Variants in COXFA4L3 observed in about 807,000 individuals in gnomAD.
COXFA4L3 encodes cytochrome c oxidase associated subunit FA4L3.
the COXFA4L3 span, chr15:45,431,022 A>G: frequency 2.0e-5 from 33 of 1,614,144 alleles, no homozygotes; most frequent in South Asian, 3.3e-5. Context: ...GGTGGTGTTC[A>G]TGACTGTGGC....
chr15:45,432,682 G>T, the COXFA4L3 span, among the ~76,000 whole-genome samples: 1 of 152,222 alleles, frequency 6.6e-6, no homozygotes, highest in East Asian at 1.9e-4. Context: ...TCTGGATACT[G>T]CTAAGTGAAA....
At chr15:45,431,500 A>G in the COXFA4L3 span, among the ~76,000 whole-genome samples, 1 of 152,104 alleles carries the variant, frequency 6.6e-6, no homozygotes, top group Non-Finnish European at 1.5e-5. Context: ...ATTTTAGCTT[A>G]TTAGATTTTT....
chr15:45,431,385 G>T, the COXFA4L3 span: 1 of 259,600 alleles, frequency 3.9e-6, no homozygotes, highest in Non-Finnish European at 7.1e-6. Flanking sequence ...CTCTCTGGCA[G>T]TGAAGTAAAG....
At chr15:45,432,628 G>A in the COXFA4L3 span, among the ~76,000 whole-genome samples, 1 of 152,286 alleles carries the variant, frequency 6.6e-6, no homozygotes, top group South Asian at 2.1e-4. Flanking sequence ...TTGTGCCACT[G>A]CACTCCAGCC....
chr15:45,430,732 C>T, the COXFA4L3 span: 1 of 1,523,452 alleles, frequency 6.6e-7, no homozygotes, highest in Non-Finnish European at 9.0e-7. Flanking sequence ...GGTTTGGCGC[C>T]CACCAGGCGA....
the COXFA4L3 span, chr15:45,433,140 A>AT: frequency 9.8e-7 from 1 of 1,018,914 alleles, no homozygotes; most frequent in Non-Finnish European, 1.6e-6. Context: ...GTTTGTCTAC[A>AT]TTTTTTGGGC....
At chr15:45,433,119 A>G in the COXFA4L3 span, 2 of 1,207,968 alleles carry the variant, frequency 1.7e-6, no homozygotes, top group Admixed American at 3.4e-5. Flanking sequence ...TGCTTCTGCT[A>G]CATTTTTAGG....
chr15:45,432,977 C>G, the COXFA4L3 span: 12,260 of 1,613,808 alleles, frequency 7.6e-3, 59 homozygotes, highest in Non-Finnish European at 8.9e-3. Context: ...AATGGAAACC[C>G]ATTGAAGAGT....
the COXFA4L3 span, chr15:45,432,814 T>C: frequency 1.5e-6 from 1 of 671,996 alleles, no homozygotes; most frequent in Non-Finnish European, 2.5e-6. Context: ...GTTTTAGATA[T>C]GGAAAGAGGT....
the COXFA4L3 span, chr15:45,432,014 A>T: frequency 7.0e-7 from 1 of 1,432,548 alleles, no homozygotes; most frequent in Non-Finnish European, 9.8e-7. Context: ...TAAACCCAGT[A>T]TCAGTGTTGG....
the COXFA4L3 span, chr15:45,432,123 A>T: frequency 6.2e-7 from 1 of 1,612,978 alleles, no homozygotes. Flanking sequence ...ACCCTACTGT[A>T]CCTCAAAAGG....
At chr15:45,431,591 A>C in the COXFA4L3 span, among the ~76,000 whole-genome samples, 1 of 152,208 alleles carries the variant, frequency 6.6e-6, no homozygotes, top group Non-Finnish European at 1.5e-5. Flanking sequence ...TAAAAAACAA[A>C]AACATGTATC....
At chr15:45,431,310 C>A in the COXFA4L3 span, 15 of 434,920 alleles carry the variant, frequency 3.4e-5, no homozygotes, top group African/African-American at 1.7e-4. Context: ...TTTAAAAAAA[C>A]CCATGATATT....
chr15:45,433,051 A>G, the COXFA4L3 span: 1 of 1,576,230 alleles, frequency 6.3e-7, no homozygotes, highest in Middle Eastern at 1.7e-4. Flanking sequence ...AGAGTACTCT[A>G]TAAATCTAGT....
the COXFA4L3 span, chr15:45,432,919 G>GTT: frequency 6.1e-4 from 738 of 1,203,240 alleles, no homozygotes; most frequent in Non-Finnish European, 7.4e-4. Context: ...TTAACAAAAG[G>GTT]TTTTTTTTTT....
chr15:45,432,947 G>A, the COXFA4L3 span: 1 of 1,608,798 alleles, frequency 6.2e-7, no homozygotes, highest in Non-Finnish European at 8.5e-7. Flanking sequence ...TTTCTCTTCA[G>A]CTTATAACAA....
chr15:45,430,692 C>T, the COXFA4L3 span: 5 of 1,071,026 alleles, frequency 4.7e-6, no homozygotes, highest in Middle Eastern at 2.2e-4. Flanking sequence ...GACGCGCCGG[C>T]CCGCAGTTGG....
the COXFA4L3 span, chr15:45,432,892 A>G: frequency 2.0e-6 from 3 of 1,508,296 alleles, no homozygotes; most frequent in East Asian, 6.8e-5. Flanking sequence ...AGGGACATGC[A>G]AATGAAAGTC....
chr15:45,431,546 C>T, the COXFA4L3 span, among the ~76,000 whole-genome samples: 1 of 151,890 alleles, frequency 6.6e-6, no homozygotes, highest in Non-Finnish European at 1.5e-5. Context: ...CAGTTGTCTA[C>T]GATGAACCTA....
Sources: gnomAD v4.1 joint callset for allele counts (sites outside exome capture counted in the v4.1 genomes callset) on GRCh38, gnomAD v4.1.1 for gene constraint, MANE v1.5 for transcripts, NCBI Gene and HGNC (gene_info 2026-07-23, HGNC 2026-07-21) for gene names.